ABCB5: variants seen among roughly 807,000 people sequenced by gnomAD.
ABCB5 encodes the protein ATP binding cassette subfamily B member 5, also known as ATP-binding cassette sub-family B member 5.
ABCB5 carries 155 observed loss-of-function variants against 144.2 expected under a neutral mutation model. That is an observed-to-expected ratio of 1.08 (90% CI 0.94 to 1.23). ABCB5 has a LOEUF of 1.23. Among genes scored for constraint, ABCB5 ranks in the 50% most tolerant of loss-of-function variants. The probability of loss-of-function intolerance (pLI) is 0.00; values close to 1 mark genes in which losing one functional copy is unlikely to be tolerated. For synonymous variants in ABCB5, 610 were observed against 528.6 expected, an observed-to-expected ratio of 1.15 and a Z score of -2.11; for missense variants, 1,830 against 1,520.8, an observed-to-expected ratio of 1.20 and a Z score of -3.38.
intron 14 of ABCB5, chr7:20,659,634 G>C (rs184411565): frequency 1.2e-5 from 12 of 988,330 alleles, no homozygotes; most frequent in Admixed American, 5.9e-5. Flanking sequence ...TCGGCAATTT[G>C]GTTCATCTTG....
chr7:20,731,369 A>AAAAAAAAAAATATATATATAT (rs57305244), intron 23 of ABCB5, among the ~76,000 whole-genome samples: 1 of 123,070 alleles, frequency 8.1e-6, no homozygotes, highest in African/African-American at 3.3e-5. Flanking sequence ...AAAAAAAAAA[A>AAAAAAAAAAATATATATATAT]ATATATATAT....
chr7:20,723,421 G>A (rs10255466), intron 21 of ABCB5, among the ~76,000 whole-genome samples: 22,065 of 152,064 alleles, frequency 0.15, 2,075 homozygotes, highest in East Asian at 0.4. Context: ...ATAGCAATAG[G>A]GTACATGATT....
At chr7:20,755,280 AG>A in intron 27 of ABCB5, 146 bp from the exon 28 acceptor site, 1 of 655,350 alleles carries the variant, frequency 1.5e-6, no homozygotes, top group Non-Finnish European at 2.6e-6. Context: ...CTATTGAGTA[AG>A]GTGATTATTT....
intron 13 of ABCB5, among the ~76,000 whole-genome samples, 179 bp from the exon 14 acceptor site, chr7:20,658,327 C>CTTTT (rs759670787): frequency 1.1e-4 from 16 of 140,692 alleles, no homozygotes; most frequent in African/African-American, 2.9e-4. Context: ...TCTTTGGGCT[C>CTTTT]TTTTTTTTTT....
At chr7:20,728,259 C>T in intron 22 of ABCB5, 56 bp from the exon 23 acceptor site, 1 of 1,581,258 alleles carries the variant, frequency 6.3e-7, no homozygotes, top group Non-Finnish European at 8.6e-7. Context: ...TACATGTATT[C>T]AATTGACCTT....
intron 14 of ABCB5, among the ~76,000 whole-genome samples, chr7:20,679,738 G>C (rs1477459969): frequency 2.0e-5 from 3 of 152,168 alleles, no homozygotes; most frequent in Admixed American, 6.5e-5. Flanking sequence ...AAATATGATA[G>C]TTCTCACCCA....
intron 23 of ABCB5, among the ~76,000 whole-genome samples, chr7:20,737,370 C>T (rs1040705892): frequency 1.3e-5 from 2 of 152,056 alleles, no homozygotes; most frequent in African/African-American, 2.4e-5. Flanking sequence ...CCCTTTCTTC[C>T]GGCTCCATTC....
chr7:20,668,333 C>A (rs879491682), intron 14 of ABCB5, among the ~76,000 whole-genome samples: 2 of 146,864 alleles, frequency 1.4e-5, no homozygotes, highest in African/African-American at 5.1e-5. Context: ...CTCTGCCCGG[C>A]CGCCCATCGT....
intron 11 of ABCB5, 112 bp from the exon 12 acceptor site, chr7:20,649,910 T>G: frequency 8.5e-7 from 1 of 1,171,932 alleles, no homozygotes; most frequent in Non-Finnish European, 1.2e-6. Flanking sequence ...AAGATCTAAA[T>G]TTGTTTTTAG....
rs1782113665 is a variant in ABCB5 at position 20,728,605 on chromosome 7, T to A, written c.2867+150T>A. 14 of 934,976 alleles carry A rather than the reference T, an allele frequency of 1.5e-5. No individual in the cohort carries two copies. In the South Asian group the frequency reaches 2.1e-4, roughly 14 times the overall value. The allele number at this position is 934,976 out of a possible 1,614,324, so 57.9% of individuals were successfully genotyped here. A position where few individuals can be genotyped will look rare whatever the true frequency, so the allele number is the denominator to read the frequency against. ...CCCATCTCTACTAAAAATACAAAAA[T>A]TAGCTGGGTGTGGTGGCAGGCTCCT... is the stretch of plus-strand genomic sequence containing the variant. On this transcript the variant is annotated intron_variant, in intron 23 of 27. Coordinates refer to ENST00000404938, the MANE Select transcript of ABCB5 (RefSeq NM_001163941.2).
At chr7:20,704,411 A>G (rs887608552) in intron 19 of ABCB5, among the ~76,000 whole-genome samples, 1 of 152,140 alleles carries the variant, frequency 6.6e-6, no homozygotes, top group Admixed American at 6.5e-5. Flanking sequence ...CTTTTCACAA[A>G]TGACTTATGG....
At chr7:20,665,760 T>C (rs1253794176) in intron 14 of ABCB5, among the ~76,000 whole-genome samples, 1 of 138,094 alleles carries the variant, frequency 7.2e-6, no homozygotes, top group Non-Finnish European at 1.6e-5. Flanking sequence ...GATAGATAGA[T>C]AGATAGAGAT....
At chr7:20,740,557 G>C (rs1474422519) in intron 24 of ABCB5, among the ~76,000 whole-genome samples, 1 of 152,040 alleles carries the variant, frequency 6.6e-6, no homozygotes, top group Non-Finnish European at 1.5e-5. Flanking sequence ...TTTTGTTCTT[G>C]TATTTTGGAA....
rs201179120 is a variant in ABCB5, at chr7:20,738,775, CA to C, written c.2868-205del. Among the ~76,000 whole-genome samples, 971 of 152,232 alleles carry C rather than the reference CA, an allele frequency of 6.4e-3. 9 individuals are homozygous for C. Among genetic ancestry groups the C allele is most frequent in the African/African-American group, 0.022 (916 of 41,526 alleles). On this transcript the variant is annotated intron_variant, in intron 23 of 27. Coordinates refer to ENST00000404938, the MANE Select transcript of ABCB5 (RefSeq NM_001163941.2). ...GACATTTTTAAGATTACCCAAGCTC[CA>C]AAGTTCATTTTGGTGTACAGAGCAA...
intron 3 of ABCB5, among the ~76,000 whole-genome samples, chr7:20,627,961 T>A (rs1252939044): frequency 3.3e-5 from 5 of 152,220 alleles, no homozygotes; most frequent in Non-Finnish European, 7.3e-5. Context: ...ACATCTGACC[T>A]GACTTGTGTC....
At chr7:20,694,167 TA>T (rs1428298289) in intron 16 of ABCB5, among the ~76,000 whole-genome samples, 1 of 150,820 alleles carries the variant, frequency 6.6e-6, no homozygotes, top group Non-Finnish European at 1.5e-5. Flanking sequence ...ACAATGAGAT[TA>T]CAAAAAAAAT....
intron 19 of ABCB5, among the ~76,000 whole-genome samples, chr7:20,701,364 C>G (rs1318862555): frequency 6.6e-6 from 1 of 152,056 alleles, no homozygotes; most frequent in East Asian, 1.9e-4. Flanking sequence ...TTAAATTTAT[C>G]TTTTTCCCTG....
chr7:20,702,841 T>G (rs1786679127), intron 19 of ABCB5, among the ~76,000 whole-genome samples: 1 of 149,342 alleles, frequency 6.7e-6, no homozygotes, highest in African/African-American at 2.5e-5. Flanking sequence ...TTTTTTTTTT[T>G]TTTTTTTTGT....
At chr7:20,678,622 A>G (rs909001778) in intron 14 of ABCB5, among the ~76,000 whole-genome samples, 2 of 142,466 alleles carry the variant, frequency 1.4e-5, no homozygotes, top group African/African-American at 2.8e-5. Flanking sequence ...AAACAAAAAC[A>G]AAAACAAAAA....
Sources: allele counts gnomAD v4.1 joint callset (sites outside exome capture counted in the v4.1 genomes callset), GRCh38; gene constraint gnomAD v4.1.1; transcripts MANE v1.5; gene names NCBI Gene and HGNC (gene_info 2026-07-23, HGNC 2026-07-21).